RGS6: variants seen among roughly 807,000 people sequenced by gnomAD.
RGS6 encodes regulator of G protein signaling 6.
In RGS6, 30 loss-of-function variants were observed where a neutral mutation model predicts 78.5. The ratio of observed to expected loss-of-function variants is 0.38; its 90% CI spans 0.29 to 0.52. RGS6 has a LOEUF of 0.52. RGS6 is among the 20% of genes least tolerant of loss of function. The probability of loss-of-function intolerance (pLI) is 0.85; values close to 1 mark genes in which losing one functional copy is unlikely to be tolerated. For synonymous variants in RGS6, 206 were observed against 206.0 expected (o/e 1.00, Z 0.00); for missense variants, 495 against 609.7 (o/e 0.81, Z 1.98).
intron 2 of RGS6, among the ~76,000 whole-genome samples, chr14:72,160,031 T>A (rs1416754512): frequency 6.6e-6 from 1 of 152,252 alleles, no homozygotes; most frequent in East Asian, 1.9e-4. Context: ...CCGATTAGAT[T>A]GTGAGCTACT....
chr14:72,224,484 C>T (rs978584190), intron 2 of RGS6, among the ~76,000 whole-genome samples: 1 of 151,058 alleles, frequency 6.6e-6, no homozygotes, highest in South Asian at 2.1e-4. Flanking sequence ...ACTTTAGAGG[C>T]TTTCAGGTTT....
At chr14:72,054,587 A>G (rs1042201852) in intron 2 of RGS6, among the ~76,000 whole-genome samples, 2 of 152,130 alleles carry the variant, frequency 1.3e-5, no homozygotes, top group African/African-American at 4.8e-5. Context: ...CAAACCACCA[A>G]CTGTCCACGC....
chr14:72,255,198 T>C (rs2056808317), intron 2 of RGS6, among the ~76,000 whole-genome samples: 1 of 152,144 alleles, frequency 6.6e-6, no homozygotes, highest in Admixed American at 6.5e-5. Context: ...TTGAAAATGT[T>C]CTTGGGGCTC....
intron 2 of RGS6, among the ~76,000 whole-genome samples, chr14:72,298,165 A>G (rs1197449411): frequency 2.0e-5 from 3 of 151,918 alleles, no homozygotes; most frequent in Non-Finnish European, 4.4e-5. Flanking sequence ...TTTCTTTCTT[A>G]TGGAGAGTTT....
intron 2 of RGS6, among the ~76,000 whole-genome samples, chr14:72,299,040 G>T (rs1048475276): frequency 6.6e-6 from 1 of 152,088 alleles, no homozygotes; most frequent in Admixed American, 6.5e-5. Context: ...TTCATTTCCT[G>T]TAAGTTGTTA....
chr14:71,900,916 G>A, the RGS6 span, among the ~76,000 whole-genome samples: 118 of 152,224 alleles, frequency 7.8e-4, 1 homozygote, highest in African/African-American at 2.7e-3. Context: ...GCAGGAGCAA[G>A]CAAGAGAGGA....
the RGS6 span, among the ~76,000 whole-genome samples, chr14:72,578,388 T>G: frequency 6.6e-6 from 1 of 152,156 alleles, no homozygotes; most frequent in Non-Finnish European, 1.5e-5. Flanking sequence ...TCAAATCCTG[T>G]GAAATCTGTG....
intron 2 of RGS6, among the ~76,000 whole-genome samples, chr14:72,237,899 G>A (rs1275483376): frequency 6.6e-6 from 1 of 152,176 alleles, no homozygotes; most frequent in Non-Finnish European, 1.5e-5. Context: ...TCTGCAGATA[G>A]CTAAGTGTTA....
chr14:72,172,605 G>A (rs932619898), intron 2 of RGS6, among the ~76,000 whole-genome samples: 2 of 152,120 alleles, frequency 1.3e-5, no homozygotes, highest in Non-Finnish European at 2.9e-5. Flanking sequence ...TAATTGTGAT[G>A]GTTGTTGCAC....
intron 2 of RGS6, among the ~76,000 whole-genome samples, chr14:72,276,677 T>A (rs2060718459): frequency 6.6e-6 from 1 of 152,132 alleles, no homozygotes; most frequent in African/African-American, 2.4e-5. Context: ...TTATAAGGGA[T>A]TTCTGCTTTC....
intron 2 of RGS6, among the ~76,000 whole-genome samples, chr14:72,052,349 CA>C (rs1297577188): frequency 6.6e-6 from 1 of 152,164 alleles, no homozygotes; most frequent in African/African-American, 2.4e-5. Flanking sequence ...CTAGAATGAA[CA>C]TAAGTGGTAG....
chr14:71,984,695 A>T (rs990270857), intron 2 of RGS6, among the ~76,000 whole-genome samples: 1 of 152,158 alleles, frequency 6.6e-6, no homozygotes, highest in Admixed American at 6.5e-5. Flanking sequence ...TTATAACACT[A>T]TATATAAGAT....
At chr14:72,305,911 A>T (rs1015139555) in intron 2 of RGS6, among the ~76,000 whole-genome samples, 1 of 152,242 alleles carries the variant, frequency 6.6e-6, no homozygotes, top group Non-Finnish European at 1.5e-5. Context: ...CAAGTTGTGA[A>T]TGCAAAGGAA....
the RGS6 span, among the ~76,000 whole-genome samples, chr14:72,580,455 G>A: frequency 6.6e-6 from 1 of 152,134 alleles, no homozygotes; most frequent in South Asian, 2.1e-4. Flanking sequence ...CCCCAGAAGT[G>A]CACTTTAGAA....
intron 2 of RGS6, among the ~76,000 whole-genome samples, chr14:72,212,844 A>G: frequency 6.6e-6 from 1 of 152,194 alleles, no homozygotes; most frequent in Non-Finnish European, 1.5e-5. Flanking sequence ...GCCACTGGGT[A>G]TCCTGTACAT....
At chr14:71,993,967 C>A (rs2095081582) in intron 2 of RGS6, among the ~76,000 whole-genome samples, 1 of 151,296 alleles carries the variant, frequency 6.6e-6, no homozygotes, top group South Asian at 2.1e-4. Context: ...ACAGAAGAAC[C>A]ATTTTTATTG....
intron 2 of RGS6, among the ~76,000 whole-genome samples, chr14:72,306,227 C>T (rs545216247): frequency 6.6e-6 from 1 of 152,274 alleles, no homozygotes; most frequent in Non-Finnish European, 1.5e-5. Flanking sequence ...CTGTTGAGAC[C>T]TACTGCTCAA....
chr14:72,448,711 C>G (rs1228012142), intron 3 of RGS6, among the ~76,000 whole-genome samples: 3 of 152,008 alleles, frequency 2.0e-5, no homozygotes, highest in African/African-American at 7.3e-5. Context: ...AAATTAATGC[C>G]TCTGTTTCAG....
At chr14:72,482,819 A>C (rs1022469722) in intron 12 of RGS6, among the ~76,000 whole-genome samples, 9 of 152,262 alleles carry the variant, frequency 5.9e-5, no homozygotes, top group African/African-American at 1.7e-4. Context: ...AAGCTGGACT[A>C]GATTCAAGGG....
Sources: allele counts gnomAD v4.1 joint callset (sites outside exome capture counted in the v4.1 genomes callset), GRCh38; gene constraint gnomAD v4.1.1; transcripts MANE v1.5; gene names NCBI Gene and HGNC (gene_info 2026-07-23, HGNC 2026-07-21).